The following DAP3 variants were observed in gnomAD, a reference collection of about 807,000 sequenced individuals.
The protein encoded by DAP3 is death associated protein 3.
In DAP3, 28 loss-of-function variants were observed where a neutral mutation model predicts 51.9. The observed-to-expected ratio is 0.54, with a 90% CI of 0.40 to 0.74. The LOEUF is 0.74. Ranked by LOEUF, DAP3 falls within the 30% of genes least tolerant of loss-of-function variation. The pLI is 0.00. For synonymous variants in DAP3, 170 were observed against 170.3 expected (o/e 1.00, Z 0.01); for missense variants, 458 against 483.5 (o/e 0.95, Z 0.49).
At chr1:155,692,351 C>A (rs1482984974) in intron 1 of DAP3, among the ~76,000 whole-genome samples, 1 of 141,584 alleles carries the variant, frequency 7.1e-6, no homozygotes, top group Non-Finnish European at 1.5e-5. Context: ...TATGCAGGCA[C>A]CCTGTAAGCC....
intron 11 of DAP3, among the ~76,000 whole-genome samples, chr1:155,736,426 T>TG (rs1156837381): frequency 2.6e-5 from 4 of 151,866 alleles, no homozygotes; most frequent in Admixed American, 6.6e-5. Context: ...GCCTTTTTTT[T>TG]TGTGTGTGTA....
intron 1 of DAP3, among the ~76,000 whole-genome samples, chr1:155,696,126 C>A (rs1354992605): frequency 6.6e-6 from 1 of 152,166 alleles, no homozygotes; most frequent in African/African-American, 2.4e-5. Flanking sequence ...ATCTGATCTA[C>A]ATAGACTGTA....
At chr1:155,705,634 A>C (rs1361591274) in intron 1 of DAP3, among the ~76,000 whole-genome samples, 2 of 151,136 alleles carry the variant, frequency 1.3e-5, no homozygotes, top group East Asian at 3.9e-4. Flanking sequence ...AAAAACAGAA[A>C]GGAAATAAAA....
intron 1 of DAP3, among the ~76,000 whole-genome samples, chr1:155,692,798 C>T (rs1224385678): frequency 7.0e-6 from 1 of 142,226 alleles, no homozygotes; most frequent in Admixed American, 6.6e-5. Flanking sequence ...AATCGATGCT[C>T]TAAGCTTATT....
At position 155,726,113 on chromosome 1, in the gene DAP3, CTTTTTTT is replaced by C. The variant is rs377658512; in HGVS notation, c.472+105_472+111del. On this transcript the variant is annotated intron_variant, in intron 6 of 12. Coordinates refer to ENST00000368336, the MANE Select transcript of DAP3 (RefSeq NM_004632.4). ...CTTTAATTTTCTTTTCTTTTCTTTTCTTTTTTTTTTTTTTTTTGAGATGGAGTTTCGC... is the reference window on the plus strand; with the variant it reads ...CTTTAATTTTCTTTTCTTTTCTTTTCTTTTTTTTTTGAGATGGAGTTTCGC... 1.3e-5 allele frequency: 9 copies of C among 677,014 alleles called. No individual in the cohort carries two copies. In the East Asian group the frequency reaches 2.0e-4, roughly 15 times the overall value. 41.9% of individuals were successfully genotyped at this position (677,014 alleles called of 1,614,324 possible). A position where few individuals can be genotyped will look rare whatever the true frequency, so the allele number is the denominator to read the frequency against.
chr1:155,697,188 T>C (rs965829614), intron 1 of DAP3, among the ~76,000 whole-genome samples: 1 of 152,168 alleles, frequency 6.6e-6, no homozygotes, highest in Non-Finnish European at 1.5e-5. Flanking sequence ...AATTGCTTCT[T>C]CACCATAGTG....
chr1:155,716,957 A>G (rs1657408829), intron 2 of DAP3, 49 bp from the exon 3 acceptor site: 2 of 1,579,340 alleles, frequency 1.3e-6, no homozygotes, highest in East Asian at 4.5e-5. Flanking sequence ...TCAAAAAAAA[A>G]AAAAAAAAGT....
At chr1:155,688,382 G>A, upstream of DAP3, 2 of 1,543,814 alleles carry the variant, frequency 1.3e-6, no homozygotes, top group South Asian at 1.2e-5. Flanking sequence ...GGAGCTAAGG[G>A]CGCCTAGCGA....
intron 9 of DAP3, among the ~76,000 whole-genome samples, chr1:155,730,240 TATATATACGTATATATGC>T (rs1321432687): frequency 2.0e-5 from 3 of 149,602 alleles, no homozygotes; most frequent in Non-Finnish European, 4.4e-5. Context: ...TGTATATATG[TATATATACGTATATATGC>T]ACACATACAT....
intron 1 of DAP3, among the ~76,000 whole-genome samples, chr1:155,706,691 C>G (rs766193677): frequency 6.6e-6 from 1 of 151,674 alleles, no homozygotes; most frequent in Non-Finnish European, 1.5e-5. Flanking sequence ...CGCTTGAGCC[C>G]GGGGAGGCAA....
chr1:155,688,282 C>T (rs768896723), upstream of DAP3: 3 of 1,586,506 alleles, frequency 1.9e-6, no homozygotes, highest in Non-Finnish European at 2.6e-6. Flanking sequence ...CCGCAACCGA[C>T]ACTGGGATCG....
intron 2 of DAP3, among the ~76,000 whole-genome samples, chr1:155,713,667 A>G (rs756831750): frequency 3.6e-4 from 55 of 152,190 alleles, no homozygotes; most frequent in Admixed American, 2.5e-3. Flanking sequence ...AACATGATAC[A>G]GTTTTTTTAA....
chr1:155,736,721 C>CTT (rs967433504), intron 11 of DAP3: 1 of 509,240 alleles, frequency 2.0e-6, no homozygotes, highest in African/African-American at 1.9e-5. Context: ...CCAGCCACCT[C>CTT]TTTTTAATAT....
At chr1:155,709,859 C>G (rs1488249243) in intron 2 of DAP3, 35 bp downstream of exon 2, 1 of 1,598,542 alleles carries the variant, frequency 6.3e-7, no homozygotes, top group South Asian at 1.1e-5. Flanking sequence ...TCTGTGCATA[C>G]TGCCTTTAGG....
intron 11 of DAP3, among the ~76,000 whole-genome samples, chr1:155,734,806 A>G (rs1467018097): frequency 2.6e-5 from 4 of 152,200 alleles, no homozygotes; most frequent in African/African-American, 9.6e-5. Flanking sequence ...TTAAAAAACT[A>G]TGAGTTCCTA....
At chr1:155,715,202 C>CAA (rs113796623) in intron 2 of DAP3, among the ~76,000 whole-genome samples, 6 of 89,222 alleles carry the variant, frequency 6.7e-5, no homozygotes, top group East Asian at 7.0e-4. Flanking sequence ...GACTCCATCT[C>CAA]AAAAAAAAAA....
At chr1:155,732,193 A>C in intron 11 of DAP3, 160 bp downstream of exon 11, 2 of 510,720 alleles carry the variant, frequency 3.9e-6, no homozygotes, top group Non-Finnish European at 3.4e-6. Flanking sequence ...CTTGATCATC[A>C]TTGCTTTATC....
At chr1:155,727,021 G>C (rs1164337556) in intron 6 of DAP3, 1 of 147,880 alleles carries the variant, frequency 6.8e-6, no homozygotes, top group African/African-American at 2.7e-5. Flanking sequence ...TCGCCATGGA[G>C]TTTTGTTTTG....
intron 4 of DAP3, among the ~76,000 whole-genome samples, chr1:155,724,579 G>A (rs966962486): frequency 9.4e-5 from 14 of 148,222 alleles, no homozygotes; most frequent in African/African-American, 3.0e-4. Flanking sequence ...GTTGCAGTGA[G>A]CCGAGATCAC....
Sources: gnomAD v4.1 joint callset for allele counts (sites outside exome capture counted in the v4.1 genomes callset) on GRCh38, gnomAD v4.1.1 for gene constraint, MANE v1.5 for transcripts, NCBI Gene and HGNC (gene_info 2026-07-23, HGNC 2026-07-21) for gene names.